The following CNTNAP2 variants were observed in gnomAD, a reference collection of about 807,000 sequenced individuals.
CNTNAP2 encodes contactin associated protein 2.
A neutral mutation model predicts 155.2 loss-of-function variants in CNTNAP2; 98 were observed. The observed-to-expected ratio is 0.63, with a 90% CI of 0.54 to 0.75. The LOEUF (loss-of-function observed/expected upper bound fraction) is 0.75, where lower values mean the gene tolerates loss of function less well. Among genes scored for constraint, CNTNAP2 ranks in the 30% least tolerant of loss-of-function variants. CNTNAP2 has a pLI of 0.00. For missense variants in CNTNAP2, 1,727 were observed against 1,688.1 expected, an observed-to-expected ratio of 1.02 and a Z score of -0.40; for synonymous variants, 651 against 631.2, an observed-to-expected ratio of 1.03 and a Z score of -0.47.
intron 13 of CNTNAP2, among the ~76,000 whole-genome samples, chr7:147,819,804 T>A (rs1456174061): frequency 6.6e-6 from 1 of 152,108 alleles, no homozygotes; most frequent in Non-Finnish European, 1.5e-5. Flanking sequence ...GAATATACTC[T>A]TCGAGGTCTG....
At chr7:147,767,162 C>T (rs1797394044) in intron 13 of CNTNAP2, among the ~76,000 whole-genome samples, 1 of 151,856 alleles carries the variant, frequency 6.6e-6, no homozygotes, top group African/African-American at 2.4e-5. Context: ...TAAGGGATAC[C>T]TTTAAATTGT....
chr7:146,445,368 C>G (rs1269520154), intron 1 of CNTNAP2, among the ~76,000 whole-genome samples: 1 of 152,128 alleles, frequency 6.6e-6, no homozygotes, highest in African/African-American at 2.4e-5. Context: ...CTTTCAATGT[C>G]TAGAAATGCT....
rs1029492028 is a variant in CNTNAP2, at chr7:147,290,004, C to T, written c.1349-10137C>T. On this transcript the variant is annotated intron_variant, in intron 8 of 23. Coordinates refer to ENST00000361727, the MANE Select transcript of CNTNAP2 (RefSeq NM_014141.6). ...AAAATTACATACAGTAGATTCTCAT[C>T]GTTCTCATTAGTCAATATATAGTTA... Among the ~76,000 whole-genome samples, 27 of 152,102 alleles carry T rather than the reference C, an allele frequency of 1.8e-4. 1 individual carries two copies. The highest frequency in any genetic ancestry group is 2.4e-5 in the African/African-American group (1 of 41,432).
rs142743530 is a variant in CNTNAP2 at position 146,322,758 on chromosome 7, C to T, written c.97+205785C>T. 9.0e-3 allele frequency among the ~76,000 whole-genome samples: 1,279 copies of T among 142,312 alleles called. 41 individuals carry two copies. The highest frequency in any genetic ancestry group is 0.063 in the Admixed American group (838 of 13,344). 93.4% of individuals were successfully genotyped at this position (142,312 alleles called of 152,430 possible). ...AGGAAGCAGGGCATAAACACAAAAACGGATAATAATAGAGGTGGTGTTAAT... is the reference window on the plus strand; with the variant it reads ...AGGAAGCAGGGCATAAACACAAAAATGGATAATAATAGAGGTGGTGTTAAT... On this transcript the variant is annotated intron_variant, in intron 1 of 23. Transcript: ENST00000361727.
At chr7:147,844,627 C>T (rs1338131630) in intron 13 of CNTNAP2, among the ~76,000 whole-genome samples, 3 of 38,066 alleles carry the variant, frequency 7.9e-5, no homozygotes, top group Middle Eastern at 8.3e-3. Flanking sequence ...ACTTCCAACA[C>T]TATGTTGAAT....
intron 1 of CNTNAP2, among the ~76,000 whole-genome samples, chr7:146,517,576 A>G (rs1363515000): frequency 4.6e-5 from 7 of 151,966 alleles, no homozygotes; most frequent in Non-Finnish European, 2.9e-5. Context: ...GGAGAGACTC[A>G]GGGACTTGTT....
intron 14 of CNTNAP2, among the ~76,000 whole-genome samples, chr7:147,965,134 T>C (rs1801183456): frequency 6.6e-6 from 1 of 152,036 alleles, no homozygotes; most frequent in Non-Finnish European, 1.5e-5. Context: ...GACCCTGGAG[T>C]GTAACTTTCA....
Position 146,527,407 on chromosome 7 carries a change from T to C in CNTNAP2, c.98-246864T>C, listed in dbSNP as rs541168426. ...TAGGCATTTTCTCATTTTTTGAGAATGCAAAGGAAAGCAAGATAGAGGATT... is the reference window on the plus strand; with the variant it reads ...TAGGCATTTTCTCATTTTTTGAGAACGCAAAGGAAAGCAAGATAGAGGATT... On this transcript the variant is annotated intron_variant, in intron 1 of 23. Coordinates refer to ENST00000361727, the MANE Select transcript of CNTNAP2 (RefSeq NM_014141.6). Among the ~76,000 whole-genome samples the C allele has an allele frequency of 2.0e-5, 3 of 152,250 alleles. 1 individual carries two copies. The South Asian group carries it at 6.2e-4, about 32-fold the overall frequency.
At chr7:147,580,548 G>A (rs5003024) in intron 12 of CNTNAP2, among the ~76,000 whole-genome samples, 104,668 of 151,638 alleles carry the variant, frequency 0.69, 36,684 homozygotes, top group African/African-American at 0.81. Context: ...AACATTTCCT[G>A]AAAACACCTT....
intron 1 of CNTNAP2, among the ~76,000 whole-genome samples, chr7:146,617,499 A>G (rs1361588169): frequency 6.6e-6 from 1 of 151,524 alleles, no homozygotes; most frequent in East Asian, 1.9e-4. Flanking sequence ...TCTATGACTC[A>G]TTACCTCTTT....
intron 1 of CNTNAP2, among the ~76,000 whole-genome samples, chr7:146,763,795 G>T (rs1231791978): frequency 6.6e-6 from 1 of 151,994 alleles, no homozygotes; most frequent in African/African-American, 2.4e-5. Context: ...CTGTTTTATA[G>T]ACTACTTTTT....
At chr7:147,214,011 C>T (rs1162728185) in intron 8 of CNTNAP2, among the ~76,000 whole-genome samples, 1 of 152,120 alleles carries the variant, frequency 6.6e-6, no homozygotes, top group Non-Finnish European at 1.5e-5. Context: ...ATCTTCCCCA[C>T]TTAGTCCACC....
At chr7:147,012,663 C>A (rs182923165) in intron 3 of CNTNAP2, among the ~76,000 whole-genome samples, 11 of 152,090 alleles carry the variant, frequency 7.2e-5, no homozygotes, top group African/African-American at 2.4e-4. Context: ...ATATTTGAGG[C>A]TAGTCAAGAA....
chr7:147,504,252 G>A (rs1798867326), intron 11 of CNTNAP2, among the ~76,000 whole-genome samples: 1 of 152,162 alleles, frequency 6.6e-6, no homozygotes, highest in African/African-American at 2.4e-5. Context: ...AGCAGCTGCT[G>A]TGGGAGTAAG....
intron 19 of CNTNAP2, among the ~76,000 whole-genome samples, chr7:148,229,408 C>G (rs1010544923): frequency 1.3e-5 from 2 of 152,074 alleles, no homozygotes; most frequent in African/African-American, 4.8e-5. Context: ...GCCTGTAATG[C>G]CAGCTACTCA....
chr7:146,393,143 G>T (rs1795569499), intron 1 of CNTNAP2, among the ~76,000 whole-genome samples: 1 of 152,102 alleles, frequency 6.6e-6, no homozygotes, highest in Non-Finnish European at 1.5e-5. Context: ...CCACAGAATG[G>T]TTTATGTCAA....
At chr7:146,219,528 GATA>G (rs1799173039) in intron 1 of CNTNAP2, among the ~76,000 whole-genome samples, 1 of 152,126 alleles carries the variant, frequency 6.6e-6, no homozygotes, top group Non-Finnish European at 1.5e-5. Flanking sequence ...AAAAATGGAA[GATA>G]ATATAAATAG....
intron 18 of CNTNAP2, among the ~76,000 whole-genome samples, chr7:148,208,111 A>T (rs971652543): frequency 3.3e-5 from 5 of 151,636 alleles, no homozygotes; most frequent in Non-Finnish European, 7.4e-5. Context: ...AAAAGAGGTC[A>T]TCACAGGTGC....
intron 10 of CNTNAP2, among the ~76,000 whole-genome samples, chr7:147,449,440 G>A (rs185383465): frequency 2.9e-4 from 44 of 152,222 alleles, no homozygotes; most frequent in African/African-American, 9.9e-4. Context: ...TGGGCTCAGT[G>A]AGTTGACTAT....
Sources: allele counts gnomAD v4.1 joint callset (sites outside exome capture counted in the v4.1 genomes callset), GRCh38; gene constraint gnomAD v4.1.1; transcripts MANE v1.5; gene names NCBI Gene and HGNC (gene_info 2026-07-23, HGNC 2026-07-21).